Variants in FAF1 observed in about 807,000 individuals in gnomAD.
The protein encoded by FAF1 is FAS-associated factor 1.
In FAF1, 25 loss-of-function variants were observed where a neutral mutation model predicts 92.5. That is an observed-to-expected ratio of 0.27 (90% confidence interval 0.20 to 0.38). FAF1 has a LOEUF of 0.38. Among genes scored for constraint, FAF1 ranks in the 10% least tolerant of loss-of-function variants. The pLI, the probability that FAF1 is intolerant of heterozygous loss-of-function variation, is 1.00. For missense variants in FAF1, 636 were observed against 793.3 expected (o/e 0.80, Z 2.38); for synonymous variants, 234 against 273.2 (o/e 0.86, Z 1.42).
intron 7 of FAF1, among the ~76,000 whole-genome samples, chr1:50,671,639 G>T (rs1655885336): frequency 6.6e-6 from 1 of 152,042 alleles, no homozygotes; most frequent in South Asian, 2.1e-4. Context: ...TATTCACGTA[G>T]TAGGTTAGCA....
At chr1:50,540,209 T>C (rs1475975143) in intron 13 of FAF1, among the ~76,000 whole-genome samples, 2 of 152,132 alleles carry the variant, frequency 1.3e-5, no homozygotes, top group Admixed American at 6.6e-5. Context: ...CCTGACCTTG[T>C]GATCCACCTG....
chr1:50,681,619 T>G (rs1656424830), intron 7 of FAF1, among the ~76,000 whole-genome samples: 1 of 151,954 alleles, frequency 6.6e-6, no homozygotes. Context: ...ATGATTCTCC[T>G]GCCTCAACCT....
chr1:50,746,264 A>T (rs1659588142), intron 4 of FAF1, among the ~76,000 whole-genome samples: 1 of 19,440 alleles, frequency 5.1e-5, no homozygotes, highest in African/African-American at 2.5e-4. Context: ...ATATATATAT[A>T]TATATATATA....
chr1:50,580,599 A>G (rs775262079), intron 12 of FAF1, among the ~76,000 whole-genome samples: 55 of 152,066 alleles, frequency 3.6e-4, no homozygotes, highest in Non-Finnish European at 7.6e-4. Context: ...TAATTAAGAA[A>G]GTGATCATAT....
At chr1:50,750,267 A>G (rs960853285) in intron 4 of FAF1, among the ~76,000 whole-genome samples, 1 of 152,224 alleles carries the variant, frequency 6.6e-6, no homozygotes, top group African/African-American at 2.4e-5. Flanking sequence ...ATCCAATAGC[A>G]TACTTTTGTA....
chr1:50,924,409 G>A (rs924849469), intron 1 of FAF1, among the ~76,000 whole-genome samples: 1 of 151,902 alleles, frequency 6.6e-6, no homozygotes, highest in Non-Finnish European at 1.5e-5. Flanking sequence ...TAATAAAAGA[G>A]ATTGAAGAGA....
In FAF1 at chr1:50,491,734, G is replaced by A; in HGVS notation, c.1562C>T (p.Ala521Val). The change falls in exon 16 of 19, where the codon GCT (alanine) becomes GTT (valine). Residue 521 changes from alanine (A) to valine (V), a missense_variant. By Grantham distance (64) the Ala-to-Val change is moderately conservative (BLOSUM62 0). Transcript: ENST00000396153. ...GACCAAGCCTACCTTTGCTCTGTCA[G>A]CCTCAAGTGAAAGGCGATAGGCCTC... Reference protein sequence around the residue: ...QDEAYRLSLEADRAKREAHER... With the variant: ...QDEAYRLSLEVDRAKREAHER... 1 of 1,611,228 alleles carries A rather than the reference G, an allele frequency of 6.2e-7. No individual in the cohort carries two copies. The highest frequency in any genetic ancestry group is 8.5e-7 in the Non-Finnish European group (1 of 1,178,678).
intron 2 of FAF1, among the ~76,000 whole-genome samples, chr1:50,854,922 T>A (rs191368804): frequency 9.0e-4 from 136 of 151,674 alleles, no homozygotes; most frequent in African/African-American, 3.1e-3. Flanking sequence ...ATGGAACATT[T>A]TGGATGATGT....
chr1:50,691,522 A>G (rs1241017066), intron 7 of FAF1, among the ~76,000 whole-genome samples: 2 of 152,116 alleles, frequency 1.3e-5, no homozygotes, highest in African/African-American at 4.8e-5. Context: ...GATTACCGGC[A>G]TGAACCACTG....
rs564602586 is a variant in FAF1 at position 50,864,516 on chromosome 1, A to T, written c.46-6519T>A. ...GATATAGATCAATGGAACAGAACAG[A>T]GCCCTCAGAAATAACACCACATATC... On this transcript the variant is annotated intron_variant, in intron 1 of 18. Coordinates refer to ENST00000396153, the MANE Select transcript of FAF1 (RefSeq NM_007051.3). Among the ~76,000 whole-genome samples the T allele has an allele frequency of 4.4e-3, 676 of 152,228 alleles. 8 individuals carry two copies. The highest frequency in any genetic ancestry group is 0.015 in the African/African-American group (611 of 41,538).
intron 7 of FAF1, among the ~76,000 whole-genome samples, chr1:50,677,235 A>G (rs1322594138): frequency 6.6e-6 from 1 of 152,212 alleles, no homozygotes; most frequent in East Asian, 1.9e-4. Context: ...ATACTGTCAT[A>G]TCTGTTGTCA....
intron 1 of FAF1, among the ~76,000 whole-genome samples, chr1:50,886,122 G>C (rs914370034): frequency 2.6e-5 from 4 of 152,130 alleles, no homozygotes; most frequent in African/African-American, 9.7e-5. Flanking sequence ...ACACACCAAA[G>C]TTATAGTATT....
chr1:50,630,082 GC>G (rs1653699096), intron 8 of FAF1, among the ~76,000 whole-genome samples: 8 of 151,890 alleles, frequency 5.3e-5, no homozygotes, highest in African/African-American at 1.9e-4. Flanking sequence ...TCGACGTTCA[GC>G]AAAATGCCTA....
intron 3 of FAF1, among the ~76,000 whole-genome samples, chr1:50,796,059 C>CA (rs1197014297): frequency 3.5e-4 from 52 of 148,108 alleles, no homozygotes; most frequent in East Asian, 2.6e-3. Context: ...ACAACAACAA[C>CA]AAAAAAAAAC....
At chr1:50,863,060 A>G (rs976622489) in intron 1 of FAF1, among the ~76,000 whole-genome samples, 6 of 152,032 alleles carry the variant, frequency 3.9e-5, no homozygotes, top group Admixed American at 3.3e-4. Flanking sequence ...TGCAGAATAT[A>G]CATTCTATTC....
intron 1 of FAF1, among the ~76,000 whole-genome samples, chr1:50,885,324 A>ACACACACACACACACACACACC (rs1644651416): frequency 9.8e-6 from 1 of 102,210 alleles, no homozygotes; most frequent in Non-Finnish European, 2.1e-5. Flanking sequence ...ACACACACAC[A>ACACACACACACACACACACACC]CTCTCTCTCT....
At chr1:50,808,164 C>G (rs750329472) in intron 2 of FAF1, among the ~76,000 whole-genome samples, 22 of 152,124 alleles carry the variant, frequency 1.4e-4, no homozygotes, top group Admixed American at 7.2e-4. Flanking sequence ...CTAAAATAAG[C>G]TTCATAAGAA....
intron 15 of FAF1, among the ~76,000 whole-genome samples, chr1:50,519,379 G>GGAGC (rs1647377857): frequency 1.5e-5 from 1 of 64,656 alleles, no homozygotes; most frequent in South Asian, 5.3e-4. Context: ...AAGGAGGGAG[G>GGAGC]GAGGGAGGGA....
intron 4 of FAF1, among the ~76,000 whole-genome samples, chr1:50,778,378 C>A (rs1661039103): frequency 6.6e-6 from 1 of 151,906 alleles, no homozygotes; most frequent in Non-Finnish European, 1.5e-5. Context: ...ATAATTGACT[C>A]TTGAATAATG....
Sources: gnomAD v4.1 joint callset for allele counts (sites outside exome capture counted in the v4.1 genomes callset) on GRCh38, gnomAD v4.1.1 for gene constraint, MANE v1.5 for transcripts, NCBI Gene and HGNC (gene_info 2026-07-23, HGNC 2026-07-21) for gene names.